Variants in CNTN4 observed in about 807,000 individuals in gnomAD.
CNTN4 encodes contactin 4.
A neutral mutation model predicts 122.5 loss-of-function variants in CNTN4; 77 were observed. The observed-to-expected ratio is 0.63, with a 90% CI of 0.52 to 0.76. CNTN4 has a LOEUF of 0.76. Among genes scored for constraint, CNTN4 ranks in the 30% least tolerant of loss-of-function variants. The pLI, the probability that CNTN4 is intolerant of heterozygous loss-of-function variation, is 0.00. For missense variants in CNTN4, 1,256 were observed against 1,259.1 expected, an observed-to-expected ratio of 1.00 and a Z score of 0.04; for synonymous variants, 512 against 447.0, an observed-to-expected ratio of 1.15 and a Z score of -1.83.
At chr3:2,430,344 C>T (rs888883457) in intron 3 of CNTN4, among the ~76,000 whole-genome samples, 8 of 151,006 alleles carry the variant, frequency 5.3e-5, no homozygotes, top group African/African-American at 1.7e-4. Flanking sequence ...ATGGCATGAA[C>T]CTGGGAGGCG....
chr3:2,175,145 A>T (rs994412024), intron 2 of CNTN4, among the ~76,000 whole-genome samples: 1 of 152,242 alleles, frequency 6.6e-6, no homozygotes, highest in African/African-American at 2.4e-5. Context: ...TCTATAAAAT[A>T]AGATCTCTAA....
chr3:2,242,467 C>T (rs1009577122), intron 2 of CNTN4, among the ~76,000 whole-genome samples: 3 of 152,212 alleles, frequency 2.0e-5, no homozygotes, highest in Middle Eastern at 3.4e-3. Context: ...TTCAGGGGTA[C>T]ATATGCAGGA....
In CNTN4 at chr3:2,376,129, T is replaced by C. The variant is rs528688643; in HGVS notation, c.-89+36896T>C. Among the ~76,000 whole-genome samples, 3 of 152,280 alleles carry C rather than the reference T, an allele frequency of 2.0e-5. No individual in the cohort carries two copies. The East Asian group carries it at 5.8e-4, about 29-fold the overall frequency. ...AAGGTAACAATAGAGTGCTAATTGCTGAGTAAAGTCATGTAGCCCCAGGAT... is the reference window on the plus strand; with the variant it reads ...AAGGTAACAATAGAGTGCTAATTGCCGAGTAAAGTCATGTAGCCCCAGGAT... On this transcript the variant is annotated intron_variant, in intron 3 of 24. Transcript: ENST00000418658.
chr3:2,383,592 TTCTC>T (rs1016896119), intron 3 of CNTN4, among the ~76,000 whole-genome samples: 1 of 151,692 alleles, frequency 6.6e-6, no homozygotes, highest in Admixed American at 6.6e-5. Context: ...CAGCACTATT[TTCTC>T]TCTCTCTCCT....
intron 4 of CNTN4, among the ~76,000 whole-genome samples, chr3:2,707,312 A>G (rs371911332): frequency 6.6e-6 from 1 of 151,862 alleles, no homozygotes; most frequent in African/African-American, 2.4e-5. Flanking sequence ...TCTCAAAAAA[A>G]AAAACCCAAA....
chr3:2,426,760 T>C (rs1304313051), intron 3 of CNTN4, among the ~76,000 whole-genome samples: 2 of 152,196 alleles, frequency 1.3e-5, no homozygotes, highest in East Asian at 3.9e-4. Context: ...CTGTTATTGG[T>C]CTATTCAGGG....
chr3:2,507,141 A>C (rs2076751119), intron 3 of CNTN4, among the ~76,000 whole-genome samples: 1 of 152,118 alleles, frequency 6.6e-6, no homozygotes, highest in Admixed American at 6.5e-5. Context: ...TCGGGTTTTA[A>C]TCTCAGCACT....
chr3:2,289,066 G>T (rs557255456), intron 2 of CNTN4, among the ~76,000 whole-genome samples: 1 of 152,238 alleles, frequency 6.6e-6, no homozygotes, highest in East Asian at 1.9e-4. Flanking sequence ...CTTGAGAAGT[G>T]CTTGCTTAGT....
intron 3 of CNTN4, among the ~76,000 whole-genome samples, chr3:2,526,999 T>A (rs1217110902): frequency 6.6e-6 from 1 of 152,176 alleles, no homozygotes; most frequent in African/African-American, 2.4e-5. Context: ...TTAACCTCTC[T>A]GGACTTTGGA....
At chr3:2,144,685 C>A (rs1476524496) in intron 2 of CNTN4, among the ~76,000 whole-genome samples, 2 of 152,184 alleles carry the variant, frequency 1.3e-5, no homozygotes, top group Non-Finnish European at 2.9e-5. Context: ...AATAATGATT[C>A]TTAAACCTGG....
chr3:2,435,839 C>G (rs754916072), intron 3 of CNTN4, among the ~76,000 whole-genome samples: 2 of 152,160 alleles, frequency 1.3e-5, no homozygotes, highest in Non-Finnish European at 2.9e-5. Flanking sequence ...TATCTATTTA[C>G]TCTTATTTTC....
At chr3:2,924,333 T>G (rs1350570735) in intron 12 of CNTN4, among the ~76,000 whole-genome samples, 1 of 151,658 alleles carries the variant, frequency 6.6e-6, no homozygotes. Context: ...CGCATTCACA[T>G]AACACACACC....
chr3:2,762,884 G>A (rs1168368672), intron 6 of CNTN4, among the ~76,000 whole-genome samples: 1 of 150,166 alleles, frequency 6.7e-6, no homozygotes, highest in African/African-American at 2.5e-5. Flanking sequence ...GGTGTGAGGT[G>A]GTATCTCATT....
Position 2,652,765 on chromosome 3 carries a change from G to A in CNTN4, c.55+81207G>A, listed in dbSNP as rs372800286. 4.6e-5 allele frequency among the ~76,000 whole-genome samples: 7 copies of A among 151,836 alleles called. No homozygotes were observed. The East Asian group carries it at 5.8e-4, about 13-fold the overall frequency. On this transcript the variant is annotated intron_variant, in intron 4 of 24. Transcript: ENST00000418658. ...ATAGTGCAGAGTGGATCTCGTGTGT[G>A]AATGTATTCTCCATCGTAGACGTGT...
intron 17 of CNTN4, 89 bp from the exon 18 acceptor site, chr3:3,037,090 T>C: frequency 7.1e-7 from 1 of 1,410,874 alleles, no homozygotes; most frequent in South Asian, 1.2e-5. Flanking sequence ...ATGATGAGGA[T>C]GGATGGATGT....
At chr3:2,492,949 A>G (rs539523568) in intron 3 of CNTN4, among the ~76,000 whole-genome samples, 331 of 152,320 alleles carry the variant, frequency 2.2e-3, no homozygotes, top group African/African-American at 7.6e-3. Context: ...ATTTAATTCT[A>G]TGAACATAAA....
At chr3:2,546,687 C>T (rs2078259612) in intron 3 of CNTN4, among the ~76,000 whole-genome samples, 1 of 151,960 alleles carries the variant, frequency 6.6e-6, no homozygotes, top group South Asian at 2.1e-4. Flanking sequence ...GAACAAAGTC[C>T]CAATGTAAGA....
At chr3:2,867,910 C>T (rs182100612) in intron 8 of CNTN4, among the ~76,000 whole-genome samples, 242 of 152,240 alleles carry the variant, frequency 1.6e-3, no homozygotes, top group African/African-American at 5.2e-3. Context: ...CACCTGGTTT[C>T]GCAACTGGTA....
intron 12 of CNTN4, among the ~76,000 whole-genome samples, chr3:2,917,112 C>A (rs868757594): frequency 2.2e-5 from 3 of 136,416 alleles, no homozygotes; most frequent in South Asian, 2.5e-4. Flanking sequence ...CCAGCCCGGC[C>A]AACACGGCGA....
Sources: allele counts gnomAD v4.1 joint callset (sites outside exome capture counted in the v4.1 genomes callset), GRCh38; gene constraint gnomAD v4.1.1; transcripts MANE v1.5; gene names NCBI Gene and HGNC (gene_info 2026-07-23, HGNC 2026-07-21).